RAPGEF2: variants seen among roughly 807,000 people sequenced by gnomAD.
RAPGEF2 encodes the protein PDZ domain containing guanine nucleotide exchange factor (GEF) 1.
Under a neutral mutation model 186.7 loss-of-function variants are expected in RAPGEF2, and 54 were observed. That is an observed-to-expected ratio of 0.29 (90% CI 0.23 to 0.36). RAPGEF2 has a LOEUF of 0.36. Among genes scored for constraint, RAPGEF2 ranks in the 10% least tolerant of loss-of-function variants. The probability of loss-of-function intolerance (pLI) is 1.00; values close to 1 mark genes in which losing one functional copy is unlikely to be tolerated. For missense variants in RAPGEF2, 1,532 were observed against 2,045.0 expected (o/e 0.75, Z 4.84); for synonymous variants, 712 against 705.9 (o/e 1.01, Z -0.14).
intron 1 of RAPGEF2, among the ~76,000 whole-genome samples, chr4:159,166,871 G>A (rs1745376608): frequency 2.6e-5 from 4 of 152,214 alleles, no homozygotes; most frequent in Admixed American, 2.6e-4. Flanking sequence ...GGATTGGGTA[G>A]TGGATGCTGA....
chr4:159,126,521 G>T (rs1740313566), intron 1 of RAPGEF2, among the ~76,000 whole-genome samples: 1 of 145,446 alleles, frequency 6.9e-6, no homozygotes. Flanking sequence ...TCTATCTCCT[G>T]TCCAGGTTTT....
At position 159,343,928 on chromosome 4, in the gene RAPGEF2, G is replaced by A. The variant is rs1378795922; in HGVS notation, c.3255-108G>A. The A allele has an allele frequency of 1.1e-5, 12 of 1,104,760 alleles. No individual in the cohort carries two copies. In the East Asian group the frequency reaches 2.9e-4, roughly 27 times the overall value. 68.4% of individuals were successfully genotyped at this position (1,104,760 alleles called of 1,614,324 possible). On this transcript the variant is annotated intron_variant, in intron 22 of 29. Transcript: ENST00000691494. ...TGATTATGCAGTTTAATGTTTGTGG[G>A]CTTCTAGAACTGCTTATCCAGAAGT...
At chr4:159,343,969 T>G in intron 22 of RAPGEF2, 67 bp from the exon 23 acceptor site, 12 of 1,488,544 alleles carry the variant, frequency 8.1e-6, no homozygotes, top group Non-Finnish European at 1.0e-5. Context: ...CCTTTCTTTC[T>G]GAGCTTGTGA....
chr4:159,230,203 T>A (rs779856142), intron 4 of RAPGEF2, among the ~76,000 whole-genome samples: 3 of 152,220 alleles, frequency 2.0e-5, no homozygotes, highest in Admixed American at 6.5e-5. Flanking sequence ...TCCTACTTTA[T>A]GGCCTCTAAC....
At chr4:159,242,399 A>G (rs1561133464) in intron 6 of RAPGEF2, among the ~76,000 whole-genome samples, 1 of 151,878 alleles carries the variant, frequency 6.6e-6, no homozygotes, top group Non-Finnish European at 1.5e-5. Flanking sequence ...AATGCATGGG[A>G]AAAATGTACA....
Position 159,331,971 on chromosome 4 carries a change from A to C in RAPGEF2, c.1825A>C (p.Lys609Gln), listed in dbSNP as rs1328206257. The C allele has an allele frequency of 3.7e-6, 6 of 1,609,452 alleles. No individual in the cohort carries two copies. Among genetic ancestry groups the C allele is most frequent in the Admixed American group, 1.7e-5 (1 of 59,356 alleles). Residue 609 changes from lysine to glutamine, a missense_variant, in exon 16 of 30, where the codon AAA becomes CAA. Physicochemically the swap from Lys to Gln is moderately conservative, Grantham distance 53. Transcript: ENST00000691494. ...AAACTTTGAAAACATTCAGCTGTCA[A>C]AAGCTATGGAAATTCTTAGAAATAA... ...GQNFENIQLS[K>Q]AMEILRNNTH...
intron 7 of RAPGEF2, among the ~76,000 whole-genome samples, chr4:159,244,212 T>TA (rs1320701713): frequency 6.6e-6 from 1 of 151,900 alleles, no homozygotes; most frequent in East Asian, 1.9e-4. Context: ...ATGAAAACTT[T>TA]AAAGTTCAGG....
rs184803841 is a variant in RAPGEF2, at chr4:159,223,459, A to G, written c.281+12876A>G. On this transcript the variant is annotated intron_variant, in intron 4 of 29. Coordinates refer to ENST00000691494, the MANE Select transcript of RAPGEF2 (RefSeq NM_001394067.2). ...TTTCCTTAAGATAACTTTGCTATTA[A>G]TTAAACATTTTCAGATAGTTTTAAA... is the stretch of plus-strand genomic sequence containing the variant. Among the ~76,000 whole-genome samples the G allele has an allele frequency of 2.4e-3, 358 of 152,316 alleles. 2 individuals are homozygous for G. The highest frequency in any genetic ancestry group is 2.5e-3 in the Non-Finnish European group (171 of 68,016).
intron 4 of RAPGEF2, among the ~76,000 whole-genome samples, chr4:159,235,280 A>G (rs1753126101): frequency 6.6e-6 from 1 of 152,120 alleles, no homozygotes; most frequent in Admixed American, 6.5e-5. Context: ...GTCTTTGTTT[A>G]TAATTTTACT....
At chr4:159,190,391 A>G (rs1747992465) in intron 2 of RAPGEF2, among the ~76,000 whole-genome samples, 1 of 152,142 alleles carries the variant, frequency 6.6e-6, no homozygotes, top group Non-Finnish European at 1.5e-5. Flanking sequence ...TAATGGTGGG[A>G]TAATGATAGC....
chr4:159,105,957 A>C (rs1737820095), intron 1 of RAPGEF2, among the ~76,000 whole-genome samples: 1 of 152,200 alleles, frequency 6.6e-6, no homozygotes, highest in South Asian at 2.1e-4. Flanking sequence ...CAATGACTAA[A>C]ACCTACTATC....
In RAPGEF2 at chr4:159,344,051, G is replaced by T; in HGVS notation, c.3270G>T (p.Arg1090=). ...TCACTTACAGGAAGAAGAAATGGCG[G>T]AGTTTGGGGTAAGTGGTGGAGACCT... ...LMFRTRKKKW[R]SLGSLSQGST... Residue 1090 remains arginine (R), a synonymous_variant, in exon 23 of 30, where the codon CGG becomes CGT. Transcript: ENST00000691494. The T allele has an allele frequency of 4.6e-6, 7 of 1,536,094 alleles. No individual in the cohort carries two copies. Among genetic ancestry groups the T allele is most frequent in the Non-Finnish European group, 6.3e-6 (7 of 1,109,112 alleles).
At position 159,353,119 on chromosome 4, in the gene RAPGEF2, T is replaced by A. The variant is rs890091004; in HGVS notation, c.4091+209T>A. The stretch of plus-strand genomic sequence containing the variant: ...CTTTTTTAGTTAAGTTTATTCTTCA[T>A]TGGAACACAGTTGTTCTGTGCTGAA... On this transcript the variant is annotated intron_variant, in intron 27 of 29. Transcript: ENST00000691494. This position sits in a 1 kb window ranked among gnomAD's most constrained non-coding sequence, Gnocchi z 4.3. Among the ~76,000 whole-genome samples the A allele has an allele frequency of 6.6e-6, 1 of 152,240 alleles. No homozygotes were observed. Among genetic ancestry groups the A allele is most frequent in the African/African-American group, 2.4e-5 (1 of 41,466 alleles).
intron 1 of RAPGEF2, among the ~76,000 whole-genome samples, chr4:159,115,115 G>A (rs188130986): frequency 2.0e-5 from 3 of 151,982 alleles, no homozygotes; most frequent in African/African-American, 4.8e-5. Context: ...CCAGTCCCAC[G>A]GATTAGCCAA....
At chr4:159,170,784 C>T (rs926153098) in intron 1 of RAPGEF2, among the ~76,000 whole-genome samples, 8 of 152,240 alleles carry the variant, frequency 5.3e-5, no homozygotes, top group Admixed American at 4.6e-4. Flanking sequence ...ATTGCCTGTA[C>T]CAATGTCATG....
At chr4:159,333,675 C>T (rs1767003190) in intron 17 of RAPGEF2, among the ~76,000 whole-genome samples, 1 of 152,124 alleles carries the variant, frequency 6.6e-6, no homozygotes, top group Non-Finnish European at 1.5e-5. Context: ...TGCTTGCTTG[C>T]TTCTTCATTT....
At chr4:159,170,604 A>G (rs1745812575) in intron 1 of RAPGEF2, among the ~76,000 whole-genome samples, 1 of 152,208 alleles carries the variant, frequency 6.6e-6, no homozygotes, top group Non-Finnish European at 1.5e-5. Flanking sequence ...GGGTTCTGGA[A>G]GCAACCCATC....
intron 1 of RAPGEF2, among the ~76,000 whole-genome samples, chr4:159,114,596 T>TGG (rs1341966686): frequency 2.0e-5 from 3 of 152,228 alleles, no homozygotes; most frequent in African/African-American, 4.8e-5. Flanking sequence ...ATTCCCAAGA[T>TGG]GGAGTGTATT....
Position 159,140,147 on chromosome 4 carries a change from A to G in RAPGEF2, c.69+35916A>G, listed in dbSNP as rs535585412. 3.3e-5 allele frequency among the ~76,000 whole-genome samples: 5 copies of G among 152,366 alleles called. 1 individual carries two copies. The South Asian group carries it at 1.0e-3, about 32-fold the overall frequency. On this transcript the variant is annotated intron_variant, in intron 1 of 29. Coordinates refer to ENST00000691494, the MANE Select transcript of RAPGEF2 (RefSeq NM_001394067.2). ...CAGAGGTATTTTCTCAGATTCATTC[A>G]TTATCATGTTTAGCTTGATGTTCTC...
Sources: allele counts gnomAD v4.1 joint callset (sites outside exome capture counted in the v4.1 genomes callset), GRCh38; gene constraint gnomAD v4.1.1; non-coding constraint Gnocchi (gnomAD v3.1); transcripts MANE v1.5; gene names NCBI Gene and HGNC (gene_info 2026-07-23, HGNC 2026-07-21).